TMEM182: variants seen among roughly 807,000 people sequenced by gnomAD.
The protein encoded by TMEM182 is transmembrane protein 182.
A neutral mutation model predicts 26.8 loss-of-function variants in TMEM182; 20 were observed. The ratio of observed to expected loss-of-function variants is 0.75; its 90% CI spans 0.53 to 1.09. The LOEUF is 1.09. Among genes scored for constraint, TMEM182 ranks in the 50% least tolerant of loss-of-function variants. The probability of loss-of-function intolerance (pLI) is 0.00; values close to 1 mark genes in which losing one functional copy is unlikely to be tolerated. For missense variants in TMEM182, 277 were observed against 275.5 expected (o/e 1.01, Z -0.04); for synonymous variants, 109 against 102.2 (o/e 1.07, Z -0.40).
chr2:102,758,188 CA>C (rs1319402816), upstream of TMEM182, among the ~76,000 whole-genome samples: 5 of 152,228 alleles, frequency 3.3e-5, no homozygotes, highest in African/African-American at 1.2e-4. Context: ...GAGGCTTAAC[CA>C]GCCCTTTCTA....
intron 3 of TMEM182, among the ~76,000 whole-genome samples, chr2:102,773,756 A>T (rs1680782267): frequency 6.6e-6 from 1 of 152,150 alleles, no homozygotes; most frequent in East Asian, 1.9e-4. Flanking sequence ...GGAATCAGAG[A>T]GTCCATTTAG....
rs577478071 is a variant in TMEM182 at position 102,788,956 on chromosome 2, G to A, written c.332-8907G>A. ...GTACAGCCTGTCCTTCTGCTTTGGT[G>A]CAGGCACTACTGTATTTTTAGACCT... On this transcript the variant is annotated intron_variant, in intron 3 of 4. Coordinates refer to ENST00000412401, the MANE Select transcript of TMEM182 (RefSeq NM_144632.5). Among the ~76,000 whole-genome samples, 213 of 152,292 alleles carry A rather than the reference G, an allele frequency of 1.4e-3. 2 individuals are homozygous for A. The highest frequency in any genetic ancestry group is 5.0e-3 in the African/African-American group (206 of 41,558).
chr2:102,752,956 A>G (rs1165944179), intron 1 of TMEM182, among the ~76,000 whole-genome samples: 1 of 152,268 alleles, frequency 6.6e-6, no homozygotes. Context: ...GCAAGCTTAG[A>G]AAGAATTATT....
chr2:102,795,339 C>A (rs978643656), intron 3 of TMEM182, among the ~76,000 whole-genome samples: 1 of 152,064 alleles, frequency 6.6e-6, no homozygotes, highest in Non-Finnish European at 1.5e-5. Context: ...AGGTTGTATC[C>A]TGGACACCTT....
At chr2:102,807,847 A>G (rs560682468) in intron 4 of TMEM182, among the ~76,000 whole-genome samples, 231 of 152,342 alleles carry the variant, frequency 1.5e-3, no homozygotes, top group Non-Finnish European at 2.6e-3. Context: ...AATACATATG[A>G]AAACAAGTTT....
intron 3 of TMEM182, among the ~76,000 whole-genome samples, chr2:102,790,360 C>T (rs1260957303): frequency 6.6e-6 from 1 of 152,198 alleles, no homozygotes; most frequent in African/African-American, 2.4e-5. Context: ...GTTAAAACGT[C>T]AGGCTGCTTT....
At chr2:102,820,722 C>T (rs1682900951), downstream of TMEM182, among the ~76,000 whole-genome samples, 1 of 152,166 alleles carries the variant, frequency 6.6e-6, no homozygotes, top group South Asian at 2.1e-4. Flanking sequence ...GTGTGGCTGG[C>T]CATTGAAGCA....
chr2:102,814,481 A>G (rs1381885265), intron 4 of TMEM182, among the ~76,000 whole-genome samples: 1 of 152,204 alleles, frequency 6.6e-6, no homozygotes, highest in Non-Finnish European at 1.5e-5. Flanking sequence ...AGCACTTACT[A>G]CAGTCCTTGG....
At chr2:102,804,005 C>T (rs1339043419) in intron 4 of TMEM182, among the ~76,000 whole-genome samples, 3 of 152,242 alleles carry the variant, frequency 2.0e-5, no homozygotes, top group Non-Finnish European at 4.4e-5. Context: ...GTCTCTATGT[C>T]TATCCTGTGA....
chr2:102,800,193 G>A (rs534710310), intron 4 of TMEM182, among the ~76,000 whole-genome samples: 25 of 152,158 alleles, frequency 1.6e-4, no homozygotes, highest in East Asian at 3.9e-4. Flanking sequence ...ATAATTCAGC[G>A]TAGGGTTTTA....
chr2:102,753,200 C>CA (rs139928282), intron 1 of TMEM182, among the ~76,000 whole-genome samples: 1 of 151,356 alleles, frequency 6.6e-6, no homozygotes, highest in African/African-American at 2.4e-5. Flanking sequence ...AGCTTCCCCC[C>CA]CCCACTGCCT....
intron 3 of TMEM182, among the ~76,000 whole-genome samples, chr2:102,771,740 C>T (rs952009767): frequency 1.3e-5 from 2 of 152,302 alleles, no homozygotes; most frequent in East Asian, 1.9e-4. Context: ...TCCTCTCACG[C>T]TAGGAACTCC....
At chr2:102,834,433 A>T in intron 3 of TMEM182, 2 of 985,306 alleles carry the variant, frequency 2.0e-6, no homozygotes, top group Non-Finnish European at 2.4e-6. Context: ...GGGGGATGGA[A>T]GTGAAGTGGA....
rs1682786886 is a variant in TMEM182 at position 102,817,212 on chromosome 2, G to A, written c.*2244G>A. 5 of 985,384 alleles carry A rather than the reference G, an allele frequency of 5.1e-6. No homozygotes were observed. The highest frequency in any genetic ancestry group is 4.8e-6 in the Non-Finnish European group (4 of 829,900). 61.0% of individuals were successfully genotyped at this position (985,384 alleles called of 1,614,324 possible). The stretch of plus-strand genomic sequence containing the variant: ...AACCTTATATCTGATTTGAGATACT[G>A]TGTTGCCAAATGTCCATGTTATGTT... On this transcript the variant is annotated 3_prime_UTR_variant, in exon 5 of 5. Transcript: ENST00000412401.
intron 3 of TMEM182, among the ~76,000 whole-genome samples, chr2:102,836,803 A>G (rs921186181): frequency 6.6e-5 from 10 of 152,182 alleles, no homozygotes; most frequent in African/African-American, 2.4e-4. Context: ...CCCCACAGAC[A>G]ACTTCTCAGC....
At chr2:102,788,167 A>G (rs1026103043) in intron 3 of TMEM182, among the ~76,000 whole-genome samples, 1 of 152,190 alleles carries the variant, frequency 6.6e-6, no homozygotes. Context: ...TGTAACAGGG[A>G]TTACACAGTG....
chr2:102,843,691 C>A (rs1683397074), exon 4 of TMEM182: 1 of 152,184 alleles, frequency 6.6e-6, no homozygotes, highest in South Asian at 2.1e-4. Flanking sequence ...TGCTTTATGC[C>A]TAAATGTTTC....
downstream of TMEM182, among the ~76,000 whole-genome samples, chr2:102,819,420 G>T (rs752030314): frequency 1.4e-4 from 22 of 152,102 alleles, no homozygotes; most frequent in Non-Finnish European, 3.1e-4. Flanking sequence ...ACTTTTGTGG[G>T]TATATGTAAC....
intron 3 of TMEM182, among the ~76,000 whole-genome samples, chr2:102,832,398 T>A (rs1683170543): frequency 6.6e-6 from 1 of 152,176 alleles, no homozygotes; most frequent in South Asian, 2.1e-4. Context: ...CTTAATAAGG[T>A]GCAGTGCCTT....
Sources: gnomAD v4.1 joint callset for allele counts (sites outside exome capture counted in the v4.1 genomes callset) on GRCh38, gnomAD v4.1.1 for gene constraint, MANE v1.5 for transcripts, NCBI Gene and HGNC (gene_info 2026-07-23, HGNC 2026-07-21) for gene names.